The following ADAMTS20 variants were observed in gnomAD, a reference collection of about 807,000 sequenced individuals.
ADAMTS20 encodes ADAM metallopeptidase with thrombospondin type 1 motif 20, also known as A disintegrin and metalloproteinase with thrombospondin motifs 20.
A neutral mutation model predicts 260.1 loss-of-function variants in ADAMTS20; 225 were observed. The observed-to-expected ratio is 0.87, with a 90% CI of 0.78 to 0.97. ADAMTS20 has a LOEUF of 0.97. Ranked by LOEUF, ADAMTS20 falls within the 50% of genes least tolerant of loss-of-function variation. The pLI, the probability that ADAMTS20 is intolerant of heterozygous loss-of-function variation, is 0.00. For missense variants in ADAMTS20, 2,400 were observed against 2,337.7 expected (o/e 1.03, Z -0.55); for synonymous variants, 802 against 769.5 (o/e 1.04, Z -0.70).
chr12:43,469,366 T>A (rs1277914938), intron 7 of ADAMTS20, among the ~76,000 whole-genome samples: 1 of 152,108 alleles, frequency 6.6e-6, no homozygotes, highest in Non-Finnish European at 1.5e-5. Flanking sequence ...AACTCAAATG[T>A]GCTGTTGAAA....
At chr12:43,435,176 A>G (rs1510525) in intron 18 of ADAMTS20, among the ~76,000 whole-genome samples, 105,995 of 152,084 alleles carry the variant, frequency 0.7, 37,354 homozygotes, top group East Asian at 1. Context: ...ATGGACTTTA[A>G]TTAATAATAA....
chr12:43,489,846 G>A (rs1942575832), intron 7 of ADAMTS20, among the ~76,000 whole-genome samples: 1 of 151,958 alleles, frequency 6.6e-6, no homozygotes. Flanking sequence ...CAGTGAAAAT[G>A]CATGAACTTT....
chr12:43,391,709 A>T (rs1309081964), intron 29 of ADAMTS20, among the ~76,000 whole-genome samples: 1 of 152,156 alleles, frequency 6.6e-6, no homozygotes, highest in East Asian at 1.9e-4. Flanking sequence ...CACCAAGTTC[A>T]TTATTTCTGC....
chr12:43,460,054 T>C (rs1942032844), intron 11 of ADAMTS20, among the ~76,000 whole-genome samples: 3 of 152,210 alleles, frequency 2.0e-5, no homozygotes, highest in African/African-American at 7.2e-5. Flanking sequence ...GGCAAAATTA[T>C]AGAATATTTG....
intron 3 of ADAMTS20, among the ~76,000 whole-genome samples, chr12:43,510,020 A>G (rs1178765954): frequency 6.6e-6 from 1 of 152,154 alleles, no homozygotes; most frequent in Non-Finnish European, 1.5e-5. Flanking sequence ...AGGAGACTAA[A>G]TAAGAAACCA....
chr12:43,521,705 T>A (rs1464640417), intron 3 of ADAMTS20, among the ~76,000 whole-genome samples: 2 of 151,800 alleles, frequency 1.3e-5, no homozygotes, highest in East Asian at 1.9e-4. Flanking sequence ...CTGCTTTAAA[T>A]TTTTTTTTGT....
intron 4 of ADAMTS20, among the ~76,000 whole-genome samples, chr12:43,494,820 G>A (rs984199237): frequency 2.0e-5 from 3 of 152,118 alleles, no homozygotes; most frequent in Non-Finnish European, 2.9e-5. Flanking sequence ...TTATGATTTT[G>A]GAGTTACTTT....
intron 11 of ADAMTS20, among the ~76,000 whole-genome samples, chr12:43,457,610 G>A (rs1321474090): frequency 6.6e-6 from 1 of 152,132 alleles, no homozygotes; most frequent in Non-Finnish European, 1.5e-5. Flanking sequence ...AAGTTGTTCA[G>A]CCAAAAGCCT....
At chr12:43,526,387 G>C (rs1252108118) in intron 3 of ADAMTS20, among the ~76,000 whole-genome samples, 2 of 152,162 alleles carry the variant, frequency 1.3e-5, no homozygotes, top group African/African-American at 2.4e-5. Context: ...GAACCCGGAA[G>C]GCGGAGCTTG....
chr12:43,378,545 C>A (rs1469947619), intron 31 of ADAMTS20, among the ~76,000 whole-genome samples: 1 of 152,192 alleles, frequency 6.6e-6, no homozygotes, highest in Admixed American at 6.5e-5. Context: ...GATCTGCCTA[C>A]AAAATCTTAA....
intron 11 of ADAMTS20, among the ~76,000 whole-genome samples, chr12:43,460,849 G>A (rs992135215): frequency 6.0e-5 from 9 of 150,316 alleles, no homozygotes; most frequent in African/African-American, 1.5e-4. Flanking sequence ...AAAAGATGAC[G>A]CTGTATAGTT....
intron 32 of ADAMTS20, 28 bp downstream of exon 32, chr12:43,377,337 G>A: frequency 6.4e-7 from 1 of 1,568,624 alleles, no homozygotes; most frequent in Non-Finnish European, 8.7e-7. Flanking sequence ...TTATTCAGAA[G>A]TTTTAAAATT....
In ADAMTS20 at chr12:43,466,721, G is replaced by A. The variant is rs778083820; in HGVS notation, c.1298C>T (p.Ala433Val). 8.1e-6 allele frequency: 13 copies of A among 1,611,326 alleles called. 1 individual carries two copies. In the South Asian group the frequency reaches 1.4e-4, roughly 18 times the overall value. The change falls in exon 9 of 39, where the codon GCT becomes GTT. Residue 433 changes from alanine to valine, a missense_variant. Coordinates refer to ENST00000389420, the MANE Select transcript of ADAMTS20 (RefSeq NM_025003.5). The stretch of plus-strand genomic sequence containing the variant: ...CCAAGGACTCATGTGAAAACTTAAA[G>A]CAGGGGCCATTACATGATACTTTGT... ...KVTKYHVMAP[A>V]LSFHMSPWSW...
chr12:43,364,101 T>G (rs952072156), intron 37 of ADAMTS20, among the ~76,000 whole-genome samples: 1 of 152,136 alleles, frequency 6.6e-6, no homozygotes, highest in African/African-American at 2.4e-5. Flanking sequence ...TCACTGTGCA[T>G]GCCCAAGACT....
At chr12:43,414,951 T>C (rs1453252859) in intron 28 of ADAMTS20, among the ~76,000 whole-genome samples, 2 of 152,174 alleles carry the variant, frequency 1.3e-5, no homozygotes, top group African/African-American at 2.4e-5. Context: ...AGGATAAATA[T>C]TAATACAAAT....
chr12:43,412,801 AAT>A (rs1491555678), intron 28 of ADAMTS20, among the ~76,000 whole-genome samples: 1 of 138,388 alleles, frequency 7.2e-6, no homozygotes, highest in Non-Finnish European at 1.5e-5. Context: ...AATAGGAAAT[AAT>A]TTTTTTTTTT....
chr12:43,407,728 T>C (rs10880484), intron 28 of ADAMTS20, among the ~76,000 whole-genome samples: 37,782 of 151,994 alleles, frequency 0.25, 5,302 homozygotes, highest in African/African-American at 0.38. Context: ...CAATAATAAG[T>C]TTTGATAAAG....
At position 43,375,500 on chromosome 12, in the gene ADAMTS20, T is replaced by G. The variant is rs1940206695; in HGVS notation, c.5325A>C (p.Pro1775=). 6.2e-7 allele frequency: 1 copy of G among 1,613,378 alleles called. No homozygotes were observed. The highest frequency in any genetic ancestry group is 8.5e-7 in the Non-Finnish European group (1 of 1,179,538). ...TACTCCCATTAAAAGGACATTGATA[T>G]GGATTTTTTAGTCTGTAACAACATT... The part of the protein sequence containing the change: ...SEVYGFRLKN[P]YQCPFNGSRR... Residue 1775 remains proline, a synonymous_variant, in exon 36 of 39, where the codon CCA becomes CCC. Transcript: ENST00000389420.
chr12:43,436,542 C>A (rs1481920556), intron 18 of ADAMTS20, among the ~76,000 whole-genome samples: 1 of 151,888 alleles, frequency 6.6e-6, no homozygotes, highest in African/African-American at 2.4e-5. Context: ...ATTTTACGTT[C>A]TTTTTTCATT....
Sources: gnomAD v4.1 joint callset for allele counts (sites outside exome capture counted in the v4.1 genomes callset) on GRCh38, gnomAD v4.1.1 for gene constraint, MANE v1.5 for transcripts, NCBI Gene and HGNC (gene_info 2026-07-23, HGNC 2026-07-21) for gene names.